The following GUCY1A1 variants were observed in gnomAD, a reference collection of about 807,000 sequenced individuals.
The protein encoded by GUCY1A1 is guanylate cyclase 1 soluble subunit alpha 1, also known as guanylate cyclase soluble subunit alpha-1.
GUCY1A1 carries 48 observed loss-of-function variants against 64.5 expected under a neutral mutation model. That is an observed-to-expected ratio of 0.74 (90% confidence interval 0.59 to 0.95). The LOEUF is 0.95. Among genes scored for constraint, GUCY1A1 ranks in the 40% least tolerant of loss-of-function variants. The pLI, the probability that GUCY1A1 is intolerant of heterozygous loss-of-function variation, is 0.00. For missense variants in GUCY1A1, 804 were observed against 825.3 expected (o/e 0.97, Z 0.32); for synonymous variants, 308 against 303.4 (o/e 1.02, Z -0.16).
At chr4:155,729,675 C>T (rs1735280027) in intron 9 of GUCY1A1, among the ~76,000 whole-genome samples, 1 of 151,802 alleles carries the variant, frequency 6.6e-6, no homozygotes. Flanking sequence ...TCTTTCAACT[C>T]AGGAAATCTT....
intron 2 of GUCY1A1, among the ~76,000 whole-genome samples, chr4:155,683,374 T>G (rs1403347479): frequency 1.3e-5 from 2 of 152,198 alleles, no homozygotes; most frequent in Non-Finnish European, 2.9e-5. Flanking sequence ...TTGAATAAAT[T>G]TAATAATAAC....
At chr4:155,684,327 A>G (rs1325902853) in intron 2 of GUCY1A1, among the ~76,000 whole-genome samples, 1 of 152,180 alleles carries the variant, frequency 6.6e-6, no homozygotes, top group Admixed American at 6.5e-5. Flanking sequence ...ATTTCTGGTA[A>G]TGATTCTTCT....
chr4:155,715,661 C>T (rs141985980), intron 7 of GUCY1A1, among the ~76,000 whole-genome samples: 10 of 152,236 alleles, frequency 6.6e-5, no homozygotes, highest in Non-Finnish European at 8.8e-5. Flanking sequence ...AGGACTTCTT[C>T]TAATTAGCCT....
chr4:155,685,608 T>G (rs1240475732), intron 2 of GUCY1A1, among the ~76,000 whole-genome samples: 1 of 149,060 alleles, frequency 6.7e-6, no homozygotes, highest in African/African-American at 2.5e-5. Flanking sequence ...CTTGTGTTTT[T>G]TTTTTTTTTT....
chr4:155,712,818 G>T (rs1282264443), intron 6 of GUCY1A1, among the ~76,000 whole-genome samples: 1 of 152,218 alleles, frequency 6.6e-6, no homozygotes, highest in Non-Finnish European at 1.5e-5. Flanking sequence ...AGTAGCAAAA[G>T]CATCAGCATG....
In GUCY1A1 at chr4:155,708,366, T is replaced by C. The variant is rs979674770; in HGVS notation, c.376+72T>C. ...GAACTCACATTTTCTCCAAAAATAT[T>C]CATATTTATTTGTTGGTGACTCCCA... is the stretch of plus-strand genomic sequence containing the variant. On this transcript the variant is annotated intron_variant, in intron 5 of 9. Coordinates refer to ENST00000506455, the MANE Select transcript of GUCY1A1 (RefSeq NM_001130682.3). The C allele has an allele frequency of 2.8e-5, 22 of 798,034 alleles. No individual in the cohort carries two copies. The African/African-American group carries it at 3.1e-4, about 11-fold the overall frequency. The allele number at this position is 798,034 out of a possible 1,614,324, so 49.4% of individuals were successfully genotyped here.
intron 2 of GUCY1A1, among the ~76,000 whole-genome samples, chr4:155,689,759 A>G (rs1729489025): frequency 6.6e-6 from 1 of 152,164 alleles, no homozygotes; most frequent in African/African-American, 2.4e-5. Flanking sequence ...CCAGTACTGT[A>G]GTTTTATCAA....
Position 155,713,220 on chromosome 4 carries a change from C to T in GUCY1A1, c.1209C>T (p.Ile403=), listed in dbSNP as rs1732809636. 6.2e-7 allele frequency: 1 copy of T among 1,614,010 alleles called. No individual in the cohort carries two copies. Among genetic ancestry groups the T allele is most frequent in the Non-Finnish European group, 8.5e-7 (1 of 1,180,012 alleles). Reference sequence around the variant, plus strand: ...GACGAGGGCTCTACCTCTCAGACATCCCAATTCACAATGCACTGAGGGATG... The same window carrying T: ...GACGAGGGCTCTACCTCTCAGACATTCCAATTCACAATGCACTGAGGGATG... ...FTGRGLYLSD[I]PIHNALRDVV... The change falls in exon 7 of 10, where the codon ATC becomes ATT. Residue 403 remains isoleucine, a synonymous_variant. Transcript: ENST00000506455.
chr4:155,718,164 T>A (rs529180959), intron 8 of GUCY1A1, among the ~76,000 whole-genome samples: 1 of 152,280 alleles, frequency 6.6e-6, no homozygotes, highest in African/African-American at 2.4e-5. Flanking sequence ...ATCTGCCCCT[T>A]AATTTTTATA....
At chr4:155,713,907 A>T (rs1409727522) in intron 7 of GUCY1A1, among the ~76,000 whole-genome samples, 1 of 152,204 alleles carries the variant, frequency 6.6e-6, no homozygotes, top group African/African-American at 2.4e-5. Flanking sequence ...GAAGTTTAAT[A>T]GTGAATCTGC....
intron 2 of GUCY1A1, among the ~76,000 whole-genome samples, chr4:155,671,339 CT>C (rs1169417236): frequency 1.3e-5 from 2 of 152,206 alleles, no homozygotes; most frequent in Non-Finnish European, 2.9e-5. Context: ...GTCAGCTTCA[CT>C]TTTAATGTTT....
At chr4:155,695,468 T>C (rs1218546465) in intron 2 of GUCY1A1, among the ~76,000 whole-genome samples, 2 of 152,238 alleles carry the variant, frequency 1.3e-5, no homozygotes, top group Non-Finnish European at 2.9e-5. Flanking sequence ...AATTTTAATA[T>C]AAATTTGTAA....
chr4:155,687,776 G>A (rs116761688), intron 2 of GUCY1A1, among the ~76,000 whole-genome samples: 100 of 152,290 alleles, frequency 6.6e-4, no homozygotes, highest in African/African-American at 6.0e-4. Flanking sequence ...ATCTGTTCAT[G>A]TAGCCTAAGC....
At chr4:155,675,119 A>G (rs932533660) in intron 2 of GUCY1A1, among the ~76,000 whole-genome samples, 3 of 151,632 alleles carry the variant, frequency 2.0e-5, no homozygotes, top group African/African-American at 7.3e-5. Flanking sequence ...GGCACGTGAC[A>G]GTATATGCAC....
At chr4:155,706,554 T>TA (rs56260966) in intron 4 of GUCY1A1, among the ~76,000 whole-genome samples, 26,284 of 151,546 alleles carry the variant, frequency 0.17, 2,638 homozygotes, top group East Asian at 0.23. Flanking sequence ...AGTGTTAGTA[T>TA]AGCCATCATG....
Position 155,667,397 on chromosome 4 carries a change from C to A in GUCY1A1, c.-135C>A, listed in dbSNP as rs890525088. 24 of 152,436 alleles carry A rather than the reference C, an allele frequency of 1.6e-4. No homozygotes were observed. The highest frequency in any genetic ancestry group is 1.2e-4 in the Non-Finnish European group (8 of 68,156). 9.4% of individuals were successfully genotyped at this position (152,436 alleles called of 1,614,324 possible). A position where few individuals can be genotyped will look rare whatever the true frequency, so the allele number is the denominator to read the frequency against. ...GCTGCTAGAGATCCGGAAGCACAGCCCCGAGGTGTGCGAAGCCACCAAGTA... is the reference window on the plus strand; with the variant it reads ...GCTGCTAGAGATCCGGAAGCACAGCACCGAGGTGTGCGAAGCCACCAAGTA... On this transcript the variant is annotated 5_prime_UTR_variant, in exon 2 of 10. Coordinates refer to ENST00000506455, the MANE Select transcript of GUCY1A1 (RefSeq NM_001130682.3).
intron 2 of GUCY1A1, among the ~76,000 whole-genome samples, chr4:155,689,181 A>G (rs1729411444): frequency 6.6e-6 from 1 of 151,886 alleles, no homozygotes. Flanking sequence ...ATGGCTTTTT[A>G]CAGAGTAAAA....
Position 155,730,551 on chromosome 4 carries a change from A to G in GUCY1A1, c.*320A>G, listed in dbSNP as rs1735425786. 1 of 179,020 alleles carries G rather than the reference A, an allele frequency of 5.6e-6. No individual in the cohort carries two copies. Among genetic ancestry groups the G allele is most frequent in the Non-Finnish European group, 1.2e-5 (1 of 84,394 alleles). The allele number at this position is 179,020 out of a possible 1,614,324, so 11.1% of individuals were successfully genotyped here. ...TAATTGTAGTCAATTGTACAAACTG[A>G]TGGAGTCACCTGCAATCTCATATCC... On this transcript the variant is annotated 3_prime_UTR_variant, in exon 10 of 10. Transcript: ENST00000506455.
chr4:155,710,280 G>A (rs1001168878), intron 5 of GUCY1A1, among the ~76,000 whole-genome samples: 5 of 152,130 alleles, frequency 3.3e-5, no homozygotes, highest in African/African-American at 4.8e-5. Flanking sequence ...AGGTTTCAGG[G>A]AGATAAAAAG....
Sources: allele counts gnomAD v4.1 joint callset (sites outside exome capture counted in the v4.1 genomes callset), GRCh38; gene constraint gnomAD v4.1.1; transcripts MANE v1.5; gene names NCBI Gene and HGNC (gene_info 2026-07-23, HGNC 2026-07-21).